NHSL3: variants seen among roughly 807,000 people sequenced by gnomAD.
The protein encoded by NHSL3 is NHS-like protein 3.
At chr1:32,772,281 C>T in the NHSL3 span, 1 of 1,599,612 alleles carries the variant, frequency 6.3e-7, no homozygotes, top group Non-Finnish European at 8.5e-7. Flanking sequence ...TGGGAGTCCC[C>T]CCACCCGCCT....
chr1:32,763,384 A>C, the NHSL3 span, among the ~76,000 whole-genome samples: 1 of 151,986 alleles, frequency 6.6e-6, no homozygotes, highest in African/African-American at 2.4e-5. Context: ...GTCTCCTACC[A>C]TTCTTTCCAT....
chr1:32,760,986 TGAG>T, the NHSL3 span, among the ~76,000 whole-genome samples: 4 of 152,064 alleles, frequency 2.6e-5, no homozygotes, highest in Admixed American at 1.3e-4. Flanking sequence ...GTCTCTGAGT[TGAG>T]GAGCCCGCAG....
chr1:32,753,953 G>A, the NHSL3 span: 1 of 313,642 alleles, frequency 3.2e-6, no homozygotes, highest in African/African-American at 2.2e-5. Context: ...CAGAGCTCGG[G>A]GGCGTGGTCG....
At chr1:32,771,372 T>G in the NHSL3 span, 22 of 1,154,924 alleles carry the variant, frequency 1.9e-5, no homozygotes, top group Non-Finnish European at 2.3e-5. Flanking sequence ...CACCCCCACC[T>G]TCCCCACCCC....
the NHSL3 span, chr1:32,771,192 C>T: frequency 6.8e-6 from 11 of 1,611,546 alleles, no homozygotes; most frequent in Non-Finnish European, 6.8e-6. Context: ...CCCCCTTCTC[C>T]CCACCTCCCT....
chr1:32,770,767 C>T, the NHSL3 span: 1 of 1,576,426 alleles, frequency 6.3e-7, no homozygotes. The surrounding 1 kb of genome is among the most constrained non-coding windows in gnomAD (Gnocchi z 8.3). Context: ...GCGTAAGCAG[C>T]AGCCCCAGCT....
the NHSL3 span, chr1:32,742,026 G>A: frequency 2.4e-6 from 3 of 1,248,698 alleles, no homozygotes; most frequent in Non-Finnish European, 3.0e-6. Flanking sequence ...CCCCGCGCAG[G>A]AAGAAGTCCC....
the NHSL3 span, among the ~76,000 whole-genome samples, chr1:32,760,296 G>A: frequency 2.0e-5 from 3 of 152,148 alleles, no homozygotes; most frequent in Admixed American, 6.5e-5. Flanking sequence ...GGCTGTGGGC[G>A]CGCCACCACC....
chr1:32,767,673 A>G, the NHSL3 span: 9 of 836,476 alleles, frequency 1.1e-5, no homozygotes, highest in Admixed American at 2.4e-5. Flanking sequence ...CATTGCTTGT[A>G]TATGCAATGG....
chr1:32,748,655 G>A, the NHSL3 span, among the ~76,000 whole-genome samples: 39 of 152,276 alleles, frequency 2.6e-4, no homozygotes, highest in African/African-American at 8.7e-4. Context: ...GAGAGTTGGG[G>A]TTGGGCAGTA....
At chr1:32,765,518 G>A in the NHSL3 span, 1 of 913,100 alleles carries the variant, frequency 1.1e-6, no homozygotes, top group Non-Finnish European at 1.6e-6. Context: ...CGGACTCCTG[G>A]CCTCAGTTGC....
the NHSL3 span, chr1:32,771,497 C>A: frequency 5.7e-6 from 9 of 1,586,532 alleles, no homozygotes; most frequent in African/African-American, 6.7e-5. Flanking sequence ...CCCCCTCCCC[C>A]ACCCCCTGCC....
At chr1:32,751,058 G>C in the NHSL3 span, among the ~76,000 whole-genome samples, 24 of 152,208 alleles carry the variant, frequency 1.6e-4, 1 homozygote, top group Admixed American at 1.4e-3. Flanking sequence ...TGATCTGCCC[G>C]CCTCTACCTC....
the NHSL3 span, among the ~76,000 whole-genome samples, chr1:32,749,597 G>T: frequency 6.6e-6 from 1 of 152,170 alleles, no homozygotes; most frequent in Non-Finnish European, 1.5e-5. Context: ...CAACTGCCAG[G>T]CCTTCAGCTT....
At chr1:32,742,243 AG>A in the NHSL3 span, 4 of 1,233,042 alleles carry the variant, frequency 3.2e-6, no homozygotes, top group South Asian at 3.6e-5. Flanking sequence ...GGTGCGGCCG[AG>A]GGGGCTCTGC....
the NHSL3 span, among the ~76,000 whole-genome samples, chr1:32,752,942 C>CAT: frequency 4.8e-4 from 11 of 23,024 alleles, no homozygotes; most frequent in African/African-American, 1.2e-3. Context: ...CACACACACA[C>CAT]ACACACACAT....
the NHSL3 span, chr1:32,772,869 A>C: frequency 5.0e-6 from 8 of 1,614,056 alleles, no homozygotes; most frequent in Non-Finnish European, 6.8e-6. Context: ...CCCCAGACTC[A>C]CAGAAAGAGC....
At chr1:32,742,024 A>G in the NHSL3 span, 10 of 1,243,734 alleles carry the variant, frequency 8.0e-6, no homozygotes, top group South Asian at 3.2e-5. Flanking sequence ...CCCCCCGCGC[A>G]GGAAGAAGTC....
At chr1:32,766,371 G>A in the NHSL3 span, among the ~76,000 whole-genome samples, 1 of 152,128 alleles carries the variant, frequency 6.6e-6, no homozygotes, top group African/African-American at 2.4e-5. Context: ...TGAGGGTTGG[G>A]GGCCCCTACT....
Sources: gnomAD v4.1 joint callset for allele counts (sites outside exome capture counted in the v4.1 genomes callset) on GRCh38, gnomAD v4.1.1 for gene constraint, Gnocchi (gnomAD v3.1) non-coding constraint, MANE v1.5 for transcripts, NCBI Gene and HGNC (gene_info 2026-07-23, HGNC 2026-07-21) for gene names.